Variants in C18orf63 observed in about 807,000 individuals in gnomAD.
C18orf63 encodes chromosome 18 open reading frame 63, also known as uncharacterized protein C18orf63.
A neutral mutation model predicts 75.3 loss-of-function variants in C18orf63; 50 were observed. The observed-to-expected ratio is 0.66, with a 90% CI of 0.53 to 0.84. The LOEUF (loss-of-function observed/expected upper bound fraction) is 0.84. Among genes scored for constraint, C18orf63 ranks in the 40% least tolerant of loss-of-function variants. The probability of loss-of-function intolerance (pLI) is 0.00; values close to 1 mark genes in which losing one functional copy is unlikely to be tolerated. For synonymous variants in C18orf63, 232 were observed against 267.6 expected (o/e 0.87, Z 1.30); for missense variants, 732 against 800.2 (o/e 0.91, Z 1.03).
rs1226542896 is a variant in C18orf63, at chr18:74,343,422, C to T, written c.795-97C>T. 5 of 670,402 alleles carry T rather than the reference C, an allele frequency of 7.5e-6. No individual in the cohort carries two copies. The African/African-American group carries it at 9.2e-5, about 12-fold the overall frequency. The allele number at this position is 670,402 out of a possible 1,614,324, so 41.5% of individuals were successfully genotyped here. A position where few individuals can be genotyped will look rare whatever the true frequency, so the allele number is the denominator to read the frequency against. The stretch of plus-strand genomic sequence containing the variant: ...AAGAGTTAAGATATATTTATGTGTG[C>T]CTTTTTAACATTGCTACTTTACTAC... On this transcript the variant is annotated intron_variant, in intron 10 of 13. Coordinates refer to ENST00000579455, the MANE Select transcript of C18orf63 (RefSeq NM_001174123.2).
intron 4 of C18orf63, 101 bp from the exon 5 acceptor site, chr18:74,327,846 T>G: frequency 1.5e-6 from 1 of 685,772 alleles, no homozygotes; most frequent in Non-Finnish European, 2.5e-6. Context: ...ACACCCGAGT[T>G]TGTTGGGTGG....
intron 8 of C18orf63, among the ~76,000 whole-genome samples, chr18:74,340,456 A>G (rs1984462338): frequency 6.6e-6 from 1 of 152,236 alleles, no homozygotes; most frequent in Admixed American, 6.5e-5. Context: ...AGGTTCCTCA[A>G]AAAATTAAAA....
chr18:74,318,512 C>T (rs955834671), intron 2 of C18orf63, among the ~76,000 whole-genome samples: 2 of 152,006 alleles, frequency 1.3e-5, no homozygotes, highest in East Asian at 3.9e-4. Flanking sequence ...TTAAGAGGGC[C>T]GGGCGTGGTG....
At chr18:74,325,215 C>T (rs1984188358) in intron 4 of C18orf63, among the ~76,000 whole-genome samples, 1 of 152,114 alleles carries the variant, frequency 6.6e-6, no homozygotes, top group African/African-American at 2.4e-5. Flanking sequence ...ATATTTCTTC[C>T]TAATCACGTT....
At chr18:74,342,178 A>G (rs1480365472) in intron 9 of C18orf63, 50 bp downstream of exon 9, 2 of 1,438,152 alleles carry the variant, frequency 1.4e-6, no homozygotes, top group East Asian at 2.5e-5. Flanking sequence ...ATTTTTGTTT[A>G]TTGTAACTTA....
chr18:74,349,100 T>C (rs767000797), intron 11 of C18orf63, among the ~76,000 whole-genome samples: 1 of 152,218 alleles, frequency 6.6e-6, no homozygotes, highest in African/African-American at 2.4e-5. Context: ...GTAGTAGATA[T>C]GTTGTTTAAA....
intron 7 of C18orf63, among the ~76,000 whole-genome samples, chr18:74,337,782 T>C (rs758968538): frequency 1.2e-4 from 18 of 152,120 alleles, no homozygotes; most frequent in Non-Finnish European, 2.6e-4. Context: ...TGCTCTTCCC[T>C]GCTCCTCCAT....
At chr18:74,351,630 C>A (rs888372824) in intron 11 of C18orf63, among the ~76,000 whole-genome samples, 3 of 152,152 alleles carry the variant, frequency 2.0e-5, no homozygotes, top group African/African-American at 4.8e-5. Flanking sequence ...GCCAAGCCAA[C>A]CCCCAGAATA....
intron 11 of C18orf63, 46 bp from the exon 12 acceptor site, chr18:74,353,200 A>C (rs1171540587): frequency 1.7e-6 from 2 of 1,151,212 alleles, no homozygotes; most frequent in East Asian, 5.1e-5. Context: ...TCCATTAAGG[A>C]CATTATTAAC....
chr18:74,339,232 C>G (rs929211977), intron 8 of C18orf63, among the ~76,000 whole-genome samples: 8 of 151,930 alleles, frequency 5.3e-5, no homozygotes, highest in African/African-American at 1.9e-4. Flanking sequence ...ATAAGCAGGA[C>G]TATTGGGATA....
At chr18:74,345,183 T>G (rs982888796) in intron 11 of C18orf63, among the ~76,000 whole-genome samples, 2 of 152,052 alleles carry the variant, frequency 1.3e-5, no homozygotes, top group Non-Finnish European at 2.9e-5. Context: ...CATTTGGATT[T>G]TTTTTGAAAT....
intron 4 of C18orf63, among the ~76,000 whole-genome samples, chr18:74,327,632 T>C (rs1340855275): frequency 6.6e-6 from 1 of 152,202 alleles, no homozygotes; most frequent in African/African-American, 2.4e-5. Context: ...GGATTTCTCT[T>C]TGTGGAGCAG....
chr18:74,323,491 G>T (rs994856391), intron 4 of C18orf63, among the ~76,000 whole-genome samples: 5 of 152,170 alleles, frequency 3.3e-5, no homozygotes, highest in Non-Finnish European at 5.9e-5. Context: ...TATTATTCAG[G>T]AGCAATGAGG....
rs916231440 is a variant in C18orf63 at position 74,315,909 on chromosome 18, G to A, written c.-233G>A. On this transcript the variant is annotated 5_prime_UTR_variant, in exon 1 of 14. Coordinates refer to ENST00000579455, the MANE Select transcript of C18orf63 (RefSeq NM_001174123.2). The stretch of plus-strand genomic sequence containing the variant: ...TGAGGGCAGCGAGGAGGGAGCTGAG[G>A]CACGCGGGCTCTCAATCGACGCCCC... The A allele has an allele frequency of 6.6e-6, 1 of 152,412 alleles. No homozygotes were observed. Among genetic ancestry groups the A allele is most frequent in the African/African-American group, 2.4e-5 (1 of 41,458 alleles). The allele number at this position is 152,412 out of a possible 1,614,324, so 9.4% of individuals were successfully genotyped here.
chr18:74,339,083 T>G (rs1453931851), intron 8 of C18orf63, among the ~76,000 whole-genome samples: 1 of 152,170 alleles, frequency 6.6e-6, no homozygotes, highest in African/African-American at 2.4e-5. Context: ...TTTCTAAATT[T>G]CTCATTATAA....
In C18orf63 at chr18:74,354,172, G is replaced by T. The variant is rs183850703; in HGVS notation, c.1905G>T (p.Arg635Ser). 5.9e-6 allele frequency: 9 copies of T among 1,536,226 alleles called. No homozygotes were observed. Among genetic ancestry groups the T allele is most frequent in the Admixed American group, 2.0e-5 (1 of 50,984 alleles). Residue 635 changes from arginine to serine, a missense_variant, in exon 12 of 14, where the codon AGG becomes AGT. Physicochemically the swap from Arg to Ser is moderately radical, Grantham distance 110 (BLOSUM62 -1). Transcript: ENST00000579455. Reference protein sequence around the residue: ...HRLIVSKIAHRSKRKLCPESS... With the variant: ...HRLIVSKIAHSSKRKLCPESS... ...TGATAGTAAGCAAAATAGCCCACAG[G>T]TCTAAAAGAAAATTATGTCCAGAGT...
At chr18:74,323,212 C>A (rs781391902) in intron 4 of C18orf63, among the ~76,000 whole-genome samples, 6 of 152,134 alleles carry the variant, frequency 3.9e-5, no homozygotes, top group Admixed American at 2.6e-4. Flanking sequence ...AGTCATGAAG[C>A]CTTGACTAGA....
chr18:74,338,605 T>G, intron 7 of C18orf63, 110 bp from the exon 8 acceptor site: 1 of 444,420 alleles, frequency 2.3e-6, no homozygotes, highest in East Asian at 3.4e-5. Context: ...CTTAAGTCTT[T>G]AAATCTACTT....
rs17089107 is a variant in C18orf63, at chr18:74,322,866, T to C, written c.270+112T>C. 4.7e-3 allele frequency: 1,647 copies of C among 347,892 alleles called. 26 individuals carry two copies. The highest frequency in any genetic ancestry group is 0.031 in the African/African-American group (1,481 of 47,698). The allele number at this position is 347,892 out of a possible 1,614,324, so 21.6% of individuals were successfully genotyped here. A position where few individuals can be genotyped will look rare whatever the true frequency, so the allele number is the denominator to read the frequency against. ...GTATCTTTCTCATAGACCATTGTTA[T>C]GCGTATGAAAGAACCCAACAAATTT... On this transcript the variant is annotated intron_variant, in intron 4 of 13. Transcript: ENST00000579455.
Sources: gnomAD v4.1 joint callset for allele counts (sites outside exome capture counted in the v4.1 genomes callset) on GRCh38, gnomAD v4.1.1 for gene constraint, MANE v1.5 for transcripts, NCBI Gene and HGNC (gene_info 2026-07-23, HGNC 2026-07-21) for gene names.